LARGE1: variants seen among roughly 807,000 people sequenced by gnomAD.
LARGE1 encodes the protein LARGE xylosyl- and glucuronyltransferase 1, also known as xylosyl- and glucuronyltransferase LARGE1.
LARGE1 carries 43 observed loss-of-function variants against 87.6 expected under a neutral mutation model. The ratio of observed to expected loss-of-function variants is 0.49; its 90% CI spans 0.38 to 0.63. The LOEUF is 0.63. Ranked by LOEUF, LARGE1 falls within the 30% of genes least tolerant of loss-of-function variation. The pLI is 0.00. For synonymous variants in LARGE1, 434 were observed against 394.6 expected (o/e 1.10, Z -1.18); for missense variants, 802 against 1,000.2 (o/e 0.80, Z 2.67).
intron 2 of LARGE1, among the ~76,000 whole-genome samples, chr22:33,670,370 G>A (rs55918929): frequency 9.2e-5 from 14 of 151,856 alleles, no homozygotes; most frequent in East Asian, 2.0e-4. Flanking sequence ...GAAAAACTTC[G>A]AGGACTCATC....
At chr22:33,176,710 G>C (rs532760315) in intron 11 of LARGE1, among the ~76,000 whole-genome samples, 1 of 152,288 alleles carries the variant, frequency 6.6e-6, no homozygotes, top group South Asian at 2.1e-4. Context: ...CTGTTGATGG[G>C]AGCATAAATT....
intron 7 of LARGE1, among the ~76,000 whole-genome samples, chr22:33,399,146 C>T (rs2065852737): frequency 3.3e-5 from 5 of 152,050 alleles, no homozygotes; most frequent in Admixed American, 6.6e-5. Context: ...CCCCCCGCCC[C>T]GACCAAGAGG....
intron 10 of LARGE1, among the ~76,000 whole-genome samples, chr22:33,329,574 G>A (rs187599518): frequency 4.9e-4 from 74 of 152,134 alleles, no homozygotes; most frequent in African/African-American, 1.6e-3. Context: ...ACAGTCTGGG[G>A]CCATTTCCTG....
the LARGE1 span, among the ~76,000 whole-genome samples, chr22:33,137,607 T>C: frequency 3.3e-5 from 5 of 152,156 alleles, no homozygotes; most frequent in Non-Finnish European, 7.4e-5. Flanking sequence ...ATGTCAGAGG[T>C]CTTCACAGCA....
chr22:33,563,715 T>C (rs2148776417), intron 6 of LARGE1, among the ~76,000 whole-genome samples: 1 of 152,340 alleles, frequency 6.6e-6, no homozygotes, highest in East Asian at 1.9e-4. Context: ...AGCTGTGCCA[T>C]ACTCAATTTC....
At chr22:33,429,654 T>G (rs9609793) in intron 7 of LARGE1, among the ~76,000 whole-genome samples, 7,510 of 151,468 alleles carry the variant, frequency 0.05, 269 homozygotes, top group Non-Finnish European at 0.078. Flanking sequence ...CTATGTGACA[T>G]TTTCTATTAT....
chr22:33,082,012 T>C, the LARGE1 span, among the ~76,000 whole-genome samples: 3 of 152,322 alleles, frequency 2.0e-5, no homozygotes, highest in East Asian at 1.9e-4. Context: ...ATTGTTGTTA[T>C]TGTCGTTGTT....
intron 10 of LARGE1, among the ~76,000 whole-genome samples, chr22:33,323,855 C>G (rs533542702): frequency 3.3e-5 from 5 of 152,274 alleles, no homozygotes; most frequent in Admixed American, 6.5e-5. Flanking sequence ...ATATTATGTA[C>G]CTTTTCAAAT....
At chr22:33,822,249 T>G (rs973782413) in intron 1 of LARGE1, among the ~76,000 whole-genome samples, 17 of 152,238 alleles carry the variant, frequency 1.1e-4, no homozygotes, top group African/African-American at 3.6e-4. Flanking sequence ...TTTGAGTTCT[T>G]ATAGCTGGTA....
At chr22:33,326,130 T>G (rs1175031383) in intron 10 of LARGE1, among the ~76,000 whole-genome samples, 1 of 152,170 alleles carries the variant, frequency 6.6e-6, no homozygotes, top group African/African-American at 2.4e-5. Context: ...ATGAGTCCAT[T>G]TTCATTCTTT....
At chr22:33,192,562 G>C (rs939407711) in intron 11 of LARGE1, among the ~76,000 whole-genome samples, 1 of 152,082 alleles carries the variant, frequency 6.6e-6, no homozygotes, top group African/African-American at 2.4e-5. Flanking sequence ...ACATAGTTTG[G>C]ATATAAACCT....
At chr22:33,278,363 CCAGT>C (rs1169647365) in intron 13 of LARGE1, among the ~76,000 whole-genome samples, 15 of 152,296 alleles carry the variant, frequency 9.8e-5, no homozygotes, top group African/African-American at 3.1e-4. Flanking sequence ...AGCAGAGAAT[CCAGT>C]CATTCCATGC....
chr22:33,144,596 G>A, the LARGE1 span, among the ~76,000 whole-genome samples: 1 of 152,144 alleles, frequency 6.6e-6, no homozygotes, highest in African/African-American at 2.4e-5. Context: ...TCATAGAAGT[G>A]AGAATGATGC....
At chr22:33,890,097 T>C (rs1172379215) in intron 1 of LARGE1, among the ~76,000 whole-genome samples, 7 of 152,206 alleles carry the variant, frequency 4.6e-5, no homozygotes, top group Non-Finnish European at 1.0e-4. Flanking sequence ...ACGACAGTGG[T>C]CTGAAGATAG....
At chr22:33,400,670 T>C (rs17802418) in intron 7 of LARGE1, among the ~76,000 whole-genome samples, 14,282 of 152,236 alleles carry the variant, frequency 0.094, 842 homozygotes, top group South Asian at 0.16. Flanking sequence ...TGCTGGAATG[T>C]GGAGCTCCTA....
At chr22:33,910,711 G>A (rs1416368326) in intron 1 of LARGE1, among the ~76,000 whole-genome samples, 1 of 152,192 alleles carries the variant, frequency 6.6e-6, no homozygotes, top group Non-Finnish European at 1.5e-5. Context: ...GTGTCACAGA[G>A]CCTACAGTCA....
chr22:33,738,870 A>G (rs1411506711), intron 2 of LARGE1, among the ~76,000 whole-genome samples: 1 of 149,706 alleles, frequency 6.7e-6, no homozygotes, highest in East Asian at 2.0e-4. Flanking sequence ...AAGAGAGACC[A>G]TGCTTCCCAG....
the LARGE1 span, among the ~76,000 whole-genome samples, chr22:33,120,426 C>CTTTCTT: frequency 6.2e-5 from 7 of 112,646 alleles, no homozygotes; most frequent in East Asian, 3.1e-4. Flanking sequence ...TTCTTTCTTT[C>CTTTCTT]TCTCTCTCTC....
At chr22:33,171,056 C>A (rs756640537) in intron 11 of LARGE1, among the ~76,000 whole-genome samples, 2 of 152,188 alleles carry the variant, frequency 1.3e-5, no homozygotes, top group African/African-American at 2.4e-5. Flanking sequence ...GAGCAAAGGT[C>A]ACTCTTGCTA....
Sources: gnomAD v4.1 joint callset for allele counts (sites outside exome capture counted in the v4.1 genomes callset) on GRCh38, gnomAD v4.1.1 for gene constraint, MANE v1.5 for transcripts, NCBI Gene and HGNC (gene_info 2026-07-23, HGNC 2026-07-21) for gene names.